The following SRCAP variants were observed in gnomAD, a reference collection of about 807,000 sequenced individuals.
SRCAP encodes Snf2 related CREBBP activator protein, also known as chromatin remodeling protein SRCAP.
A neutral mutation model predicts 263.1 loss-of-function variants in SRCAP; 46 were observed. That is an observed-to-expected ratio of 0.17 (90% CI 0.14 to 0.22). The LOEUF (loss-of-function observed/expected upper bound fraction) is 0.22. SRCAP is among the 10% of genes least tolerant of loss of function. The pLI, the probability that SRCAP is intolerant of heterozygous loss-of-function variation, is 1.00. For missense variants in SRCAP, 3,695 were observed against 4,181.9 expected (o/e 0.88, Z 3.21); for synonymous variants, 1,813 against 1,662.1 (o/e 1.09, Z -2.21).
intron 6 of SRCAP, 98 bp from the exon 7 acceptor site, chr16:30,709,415 C>A: frequency 1.5e-6 from 2 of 1,313,604 alleles, no homozygotes; most frequent in Non-Finnish European, 2.2e-6. Context: ...AAGAGGCCAG[C>A]CCAGGATCTG....
At position 30,728,743 on chromosome 16, in the gene SRCAP, T is replaced by C. The variant is rs55764844; in HGVS notation, c.5659-223T>C. 5.0e-3 allele frequency among the ~76,000 whole-genome samples: 763 copies of C among 152,282 alleles called. 3 individuals carry two copies. Among genetic ancestry groups the C allele is most frequent in the African/African-American group, 0.017 (724 of 41,550 alleles). On this transcript the variant is annotated intron_variant, in intron 25 of 33. Coordinates refer to ENST00000262518, the MANE Select transcript of SRCAP (RefSeq NM_006662.3). ...TCTCTAGGAGAGAAGTTACTTAACA[T>C]AACTTCTGAGAAAGAATAGTTATTT... is the stretch of plus-strand genomic sequence containing the variant.
At chr16:30,710,953 C>T (rs754359211) in intron 9 of SRCAP, 46 bp from the exon 10 acceptor site, 2 of 1,593,466 alleles carry the variant, frequency 1.3e-6, no homozygotes, top group East Asian at 4.5e-5. Flanking sequence ...GTGTCCTGTG[C>T]CTCTAGCCTC....
At chr16:30,728,435 C>T (rs763876464) in intron 25 of SRCAP, among the ~76,000 whole-genome samples, 4 of 152,174 alleles carry the variant, frequency 2.6e-5, no homozygotes, top group East Asian at 3.8e-4. Flanking sequence ...TCCTCACTGC[C>T]GGGTTGCCCA....
intron 3 of SRCAP, among the ~76,000 whole-genome samples, 164 bp downstream of exon 3, chr16:30,701,042 T>C (rs1232461046): frequency 6.6e-6 from 1 of 152,234 alleles, no homozygotes; most frequent in Non-Finnish European, 1.5e-5. Context: ...TCACATTCCA[T>C]TTAACATTAG....
chr16:30,713,381 G>C lies in SRCAP; in HGVS notation c.2300+4G>C. 1 of 1,614,114 alleles carries C rather than the reference G, an allele frequency of 6.2e-7. No homozygotes were observed. The highest frequency in any genetic ancestry group is 8.5e-7 in the Non-Finnish European group (1 of 1,179,984). ...AGTCACTCCTCAACTTCAACAGGTG[G>C]AGATGGAGATGGGGATTCATGGGAG... On this transcript the variant is annotated splice_donor_region_variant and intron_variant, in intron 15 of 33. Coordinates refer to ENST00000262518, the MANE Select transcript of SRCAP (RefSeq NM_006662.3).
At position 30,722,676 on chromosome 16, in the gene SRCAP, G is replaced by C. The variant is rs756870063; in HGVS notation, c.3820G>C (p.Val1274Leu). The change falls in exon 23 of 34, where the codon GTG (valine) becomes CTG (leucine). Residue 1274 changes from valine (V) to leucine (L), a missense_variant. Transcript: ENST00000262518. ...APTPGPTPVS[V>L]LPSSTPSTTP... ...GACCCCTGGCCCTACCCCTGTCTCT[G>C]TGCTGCCTTCTTCGACCCCCAGCAC... is the stretch of plus-strand genomic sequence containing the variant. The C allele has an allele frequency of 1.2e-6, 2 of 1,613,798 alleles. No individual in the cohort carries two copies. The highest frequency in any genetic ancestry group is 1.7e-6 in the Non-Finnish European group (2 of 1,179,978).
In SRCAP at chr16:30,737,514, C is replaced by T; in HGVS notation, c.7474C>T (p.Pro2492Ser). The T allele has an allele frequency of 1.2e-6, 2 of 1,602,718 alleles. No individual in the cohort carries two copies. Among genetic ancestry groups the T allele is most frequent in the African/African-American group, 1.3e-5 (1 of 74,752 alleles). The change falls in exon 34 of 34, where the codon CCT becomes TCT. Residue 2492 changes from proline (P) to serine (S), a missense_variant. Around this residue, in one of 12 missense-constraint regions of SRCAP, gnomAD observed 1,207 missense variants for 1,142.9 expected, o/e 1.06. Transcript: ENST00000262518. Reference sequence around the variant, plus strand: ...TTCTCCTCCCCCTCCTTCACAGATTCCTCCTTGTTCTTCTCCTGCCTGCAC... The same window carrying T: ...TTCTCCTCCCCCTCCTTCACAGATTTCTCCTTGTTCTTCTCCTGCCTGCAC... Reference protein sequence around the residue: ...LPSPPPPSQIPPCSSPACTPP... With the variant: ...LPSPPPPSQISPCSSPACTPP...
chr16:30,736,735 C>G, intron 33 of SRCAP, 111 bp downstream of exon 33: 1 of 1,173,612 alleles, frequency 8.5e-7, no homozygotes, highest in South Asian at 1.4e-5. Context: ...TGCAGTGGCA[C>G]AATCTCGGGT....
Position 30,739,606 on chromosome 16 carries a change from G to A in SRCAP, c.9566G>A (p.Arg3189Gln), listed in dbSNP as rs748575974. ...GAGGAAGGGGATGGGACCCCACGCC[G>A]ACGTCCTGGCCCCCGCCGGCTTGTT... ...EEEEGDGTPR[R>Q]RPGPRRLVGT... is the part of the protein sequence containing the mutation. Residue 3189 changes from arginine to glutamine, a missense_variant, in exon 34 of 34, where the codon CGA becomes CAA. Coordinates refer to ENST00000262518, the MANE Select transcript of SRCAP (RefSeq NM_006662.3). 2.6e-5 allele frequency: 42 copies of A among 1,594,174 alleles called. No individual in the cohort carries two copies. The highest frequency in any genetic ancestry group is 1.1e-4 in the East Asian group (5 of 43,538).
At position 30,738,874 on chromosome 16, in the gene SRCAP, C is replaced by T. The variant is rs571032702; in HGVS notation, c.8834C>T (p.Ala2945Val). The T allele has an allele frequency of 1.2e-5, 20 of 1,614,144 alleles. No homozygotes were observed. Among genetic ancestry groups the T allele is most frequent in the Non-Finnish European group, 1.7e-5 (20 of 1,180,012 alleles). ...AGAAGGCGAGGACGACCCCCTAAAG[C>T]ACGAGATTTGCCCATCCCTGGGACC... The part of the protein sequence containing the change: ...EKRRRGRPPK[A>V]RDLPIPGTIS... Residue 2945 changes from alanine to valine, a missense_variant, in exon 34 of 34, where the codon GCA becomes GTA. Coordinates refer to ENST00000262518, the MANE Select transcript of SRCAP (RefSeq NM_006662.3).
At position 30,711,606 on chromosome 16, in the gene SRCAP, G is replaced by T. The variant is rs745582519; in HGVS notation, c.1354G>T (p.Ala452Ser). Reference protein sequence around the residue: ...LSMEELLQQYAGAYAPGSGSS... With the variant: ...LSMEELLQQYSGAYAPGSGSS... Reference sequence around the variant, plus strand: ...CATGGAGGAGCTATTGCAGCAGTATGCAGGAGCCTATGCCCCAGGCTCTGG... The same window carrying T: ...CATGGAGGAGCTATTGCAGCAGTATTCAGGAGCCTATGCCCCAGGCTCTGG... Residue 452 changes from alanine (A) to serine (S), a missense_variant, in exon 11 of 34, where the codon GCA (alanine) becomes TCA (serine). By Grantham distance (99) the Ala-to-Ser change is moderately conservative (BLOSUM62 1). Coordinates refer to ENST00000262518, the MANE Select transcript of SRCAP (RefSeq NM_006662.3). The T allele has an allele frequency of 1.6e-5, 26 of 1,611,196 alleles. No homozygotes were observed. The highest frequency in any genetic ancestry group is 2.2e-5 in the East Asian group (1 of 44,864).
In SRCAP at chr16:30,733,071, A is replaced by G. The variant is rs905563329; in HGVS notation, c.6128-209A>G. 2.6e-5 allele frequency among the ~76,000 whole-genome samples: 4 copies of G among 152,158 alleles called. No individual in the cohort carries two copies. Among genetic ancestry groups the G allele is most frequent in the Non-Finnish European group, 4.4e-5 (3 of 68,020 alleles). On this transcript the variant is annotated intron_variant, in intron 27 of 33. Coordinates refer to ENST00000262518, the MANE Select transcript of SRCAP (RefSeq NM_006662.3). This position sits in a 1 kb window ranked among gnomAD's most constrained non-coding sequence, Gnocchi z 5.3. ...GGCTGGTCTTGAACTCCCGACTTAA[A>G]GTGATCCACCTGCCTCAGCTTCTCA...
chr16:30,714,856 CTT>C (rs2151289823), intron 16 of SRCAP, among the ~76,000 whole-genome samples: 1 of 152,118 alleles, frequency 6.6e-6, no homozygotes, highest in East Asian at 1.9e-4. Context: ...TCCTTACTGT[CTT>C]TGAGTAGAAT....
rs2052803260 is a variant in SRCAP at position 30,704,380 on chromosome 16, T to C, written c.306+65T>C. ...TCTTCCGTAAACTCCCACGTCCTCT[T>C]GAGTATTTTATGTTTCTTTTCTTTT... is the stretch of plus-strand genomic sequence containing the variant. On this transcript the variant is annotated intron_variant, in intron 4 of 33. Coordinates refer to ENST00000262518, the MANE Select transcript of SRCAP (RefSeq NM_006662.3). 2.0e-6 allele frequency: 3 copies of C among 1,510,174 alleles called. No individual in the cohort carries two copies. In the African/African-American group the frequency reaches 4.2e-5, roughly 21 times the overall value. The allele number at this position is 1,510,174 out of a possible 1,614,324, so 93.5% of individuals were successfully genotyped here. A position where few individuals can be genotyped will look rare whatever the true frequency, so the allele number is the denominator to read the frequency against.
Position 30,738,858 on chromosome 16 carries a change from G to A in SRCAP, c.8818G>A (p.Gly2940Arg), listed in dbSNP as rs963730402. 5 of 1,614,136 alleles carry A rather than the reference G, an allele frequency of 3.1e-6. No homozygotes were observed. Among genetic ancestry groups the A allele is most frequent in the Non-Finnish European group, 4.2e-6 (5 of 1,180,016 alleles). The change falls in exon 34 of 34, where the codon GGA becomes AGA. Residue 2940 changes from glycine to arginine, a missense_variant. Physicochemically the swap from Gly to Arg is moderately radical, Grantham distance 125. Transcript: ENST00000262518. ...GTCACCTGTGGAGAAAAGAAGGCGAGGACGACCCCCTAAAGCACGAGATTT... is the reference window on the plus strand; with the variant it reads ...GTCACCTGTGGAGAAAAGAAGGCGAAGACGACCCCCTAAAGCACGAGATTT... ...LLSPVEKRRR[G>R]RPPKARDLPI...
intron 3 of SRCAP, among the ~76,000 whole-genome samples, chr16:30,702,585 CCCTT>C (rs1425432957): frequency 7.9e-6 from 1 of 127,130 alleles, no homozygotes; most frequent in African/African-American, 3.0e-5. Flanking sequence ...CTCCCTCCCT[CCCTT>C]CCCTGCCTTC....
At chr16:30,726,240 T>C (rs2053063371) in intron 25 of SRCAP, 1 of 152,234 alleles carries the variant, frequency 6.6e-6, no homozygotes, top group African/African-American at 2.4e-5. Flanking sequence ...TAATAATGTA[T>C]GAATACCACA....
intron 3 of SRCAP, among the ~76,000 whole-genome samples, chr16:30,701,597 C>T (rs2052766889): frequency 6.6e-6 from 1 of 151,366 alleles, no homozygotes; most frequent in Non-Finnish European, 1.5e-5. Context: ...CCTGAGTATC[C>T]ACCTTTCAGT....
In SRCAP at chr16:30,703,928, G is replaced by A. The variant is rs1032141907; in HGVS notation, c.55-136G>A. The stretch of plus-strand genomic sequence containing the variant: ...ATAAAATAAAAACTTTATCCCGAAC[G>A]TTTGTGTTTATGAAAATAAGGTTTA... On this transcript the variant is annotated intron_variant, in intron 3 of 33. Transcript: ENST00000262518. 15 of 1,082,376 alleles carry A rather than the reference G, an allele frequency of 1.4e-5. No homozygotes were observed. The African/African-American group carries it at 1.9e-4, about 14-fold the overall frequency. The allele number at this position is 1,082,376 out of a possible 1,614,324, so 67.0% of individuals were successfully genotyped here. A position where few individuals can be genotyped will look rare whatever the true frequency, so the allele number is the denominator to read the frequency against.
Sources: gnomAD v4.1 joint callset for allele counts (sites outside exome capture counted in the v4.1 genomes callset) on GRCh38, gnomAD v4.1.1 for gene constraint, gnomAD v4.1.1 regional missense constraint, Gnocchi (gnomAD v3.1) non-coding constraint, MANE v1.5 for transcripts, NCBI Gene and HGNC (gene_info 2026-07-23, HGNC 2026-07-21) for gene names.